MAST4: variants seen among roughly 807,000 people sequenced by gnomAD.
MAST4 encodes the protein microtubule associated serine/threonine kinase family member 4, also known as microtubule-associated serine/threonine-protein kinase 4.
A neutral mutation model predicts 162.7 loss-of-function variants in MAST4; 89 were observed. The observed-to-expected ratio is 0.55, with a 90% confidence interval of 0.46 to 0.65. The LOEUF is 0.65. MAST4 is among the 30% of genes least tolerant of loss of function. MAST4 has a pLI of 0.00. For synonymous variants in MAST4, 1,479 were observed against 1,361.1 expected, an observed-to-expected ratio of 1.09 and a Z score of -1.91; for missense variants, 3,153 against 3,374.0, an observed-to-expected ratio of 0.93 and a Z score of 1.62.
At chr5:67,161,452 G>T (rs921224150) in intron 27 of MAST4, among the ~76,000 whole-genome samples, 14 of 151,702 alleles carry the variant, frequency 9.2e-5, no homozygotes, top group African/African-American at 3.4e-4. Flanking sequence ...TCGCTATATT[G>T]GGAAGAATAG....
intron 23 of MAST4, among the ~76,000 whole-genome samples, chr5:67,146,417 ATTC>A (rs1322987539): frequency 6.6e-6 from 1 of 152,276 alleles, no homozygotes; most frequent in African/African-American, 2.4e-5. Context: ...TGCACAGCAT[ATTC>A]TTCTATAGAG....
chr5:66,821,014 G>A (rs187027580), intron 3 of MAST4, among the ~76,000 whole-genome samples: 1 of 152,356 alleles, frequency 6.6e-6, no homozygotes, highest in Non-Finnish European at 1.5e-5. Flanking sequence ...AGGATTGCAA[G>A]TGGGAAGGAA....
At chr5:67,158,999 A>G (rs1384724281) in intron 26 of MAST4, among the ~76,000 whole-genome samples, 1 of 152,234 alleles carries the variant, frequency 6.6e-6, no homozygotes, top group Non-Finnish European at 1.5e-5. Context: ...GTGCCATTGC[A>G]CTCCAGCCTG....
chr5:66,597,299 T>G (rs1742253324), intron 1 of MAST4, among the ~76,000 whole-genome samples: 1 of 152,212 alleles, frequency 6.6e-6, no homozygotes, highest in Non-Finnish European at 1.5e-5. Context: ...TGTATCTGAC[T>G]TGGTTGATCT....
chr5:66,631,466 C>T (rs1380777779), intron 1 of MAST4, among the ~76,000 whole-genome samples: 1 of 152,058 alleles, frequency 6.6e-6, no homozygotes, highest in Non-Finnish European at 1.5e-5. Context: ...GGAGGTAAGA[C>T]ACATATACAC....
intron 4 of MAST4, among the ~76,000 whole-genome samples, chr5:66,940,695 A>G (rs115898084): frequency 2.6e-5 from 4 of 152,046 alleles, no homozygotes; most frequent in Non-Finnish European, 5.9e-5. Context: ...AAACCCTCCC[A>G]GTCATCTGTG....
chr5:67,157,023 TTTG>T (rs1211902070), intron 26 of MAST4, among the ~76,000 whole-genome samples: 1 of 152,220 alleles, frequency 6.6e-6, no homozygotes, highest in East Asian at 1.9e-4. Context: ...CAGCTGCATT[TTTG>T]TTATTTTTTT....
intron 4 of MAST4, among the ~76,000 whole-genome samples, chr5:66,918,347 C>T (rs1196647505): frequency 6.6e-6 from 1 of 152,064 alleles, no homozygotes; most frequent in Admixed American, 6.5e-5. Flanking sequence ...CACAATACAC[C>T]ATGTACTTTG....
At chr5:66,643,292 G>A (rs969165277) in intron 1 of MAST4, among the ~76,000 whole-genome samples, 1 of 152,092 alleles carries the variant, frequency 6.6e-6, no homozygotes, top group Non-Finnish European at 1.5e-5. Flanking sequence ...AAATCTGTGC[G>A]GAGCTTCCCT....
chr5:66,626,340 G>T (rs992486883), intron 1 of MAST4, among the ~76,000 whole-genome samples: 1 of 152,098 alleles, frequency 6.6e-6, no homozygotes, highest in Non-Finnish European at 1.5e-5. Flanking sequence ...GCATCAAGTT[G>T]TACCCCTTAA....
intron 26 of MAST4, among the ~76,000 whole-genome samples, chr5:67,156,061 G>GAAA (rs535974856): frequency 6.0e-5 from 5 of 83,686 alleles, no homozygotes; most frequent in Non-Finnish European, 1.1e-4. Context: ...TCCGTCTCAA[G>GAAA]AAAAAAAAAA....
chr5:66,612,963 A>G (rs796523926), intron 1 of MAST4, among the ~76,000 whole-genome samples: 1 of 152,226 alleles, frequency 6.6e-6, no homozygotes, highest in African/African-American at 2.4e-5. Flanking sequence ...ACAACATACT[A>G]TGAAGATTAC....
At chr5:67,053,241 T>A (rs1394269403) in intron 4 of MAST4, among the ~76,000 whole-genome samples, 1 of 152,212 alleles carries the variant, frequency 6.6e-6, no homozygotes, top group Non-Finnish European at 1.5e-5. Flanking sequence ...TAAGAGAAGA[T>A]AACTCCCAAG....
chr5:66,981,852 G>A (rs1748886022), intron 4 of MAST4, among the ~76,000 whole-genome samples: 2 of 152,156 alleles, frequency 1.3e-5, no homozygotes, highest in Admixed American at 1.3e-4. Flanking sequence ...AGTTGGCTCA[G>A]TAATTGTTAA....
chr5:66,980,788 C>T lies in MAST4; in HGVS notation c.675-73616C>T, dbSNP rs189477534. Among the ~76,000 whole-genome samples, 310 of 152,276 alleles carry T rather than the reference C, an allele frequency of 2.0e-3. 1 individual carries two copies. The highest frequency in any genetic ancestry group is 3.5e-3 in the Non-Finnish European group (241 of 68,016). ...GTTATCACTCTTCTCCACCTAATTT[C>T]GATCATTTCCAAGGAATCTTCAGTT... On this transcript the variant is annotated intron_variant, in intron 4 of 28. Coordinates refer to ENST00000403625, the MANE Select transcript of MAST4 (RefSeq NM_001164664.2).
chr5:66,744,149 T>C (rs1262333910), intron 1 of MAST4, among the ~76,000 whole-genome samples: 1 of 152,188 alleles, frequency 6.6e-6, no homozygotes, highest in East Asian at 1.9e-4. Flanking sequence ...AATGGCCCAG[T>C]GCCCCTCCAT....
chr5:67,044,695 A>G (rs1757160284), intron 4 of MAST4, among the ~76,000 whole-genome samples: 1 of 152,102 alleles, frequency 6.6e-6, no homozygotes, highest in South Asian at 2.1e-4. Flanking sequence ...AAAATATTTT[A>G]TAGAGTGGGG....
chr5:66,643,481 T>C (rs560603433), intron 1 of MAST4, among the ~76,000 whole-genome samples: 7 of 152,268 alleles, frequency 4.6e-5, no homozygotes, highest in African/African-American at 1.4e-4. Flanking sequence ...AGTTTAAAAC[T>C]GAAAGTAAAC....
chr5:67,004,169 G>A (rs1245738420), intron 4 of MAST4, among the ~76,000 whole-genome samples: 1 of 152,122 alleles, frequency 6.6e-6, no homozygotes, highest in Non-Finnish European at 1.5e-5. Context: ...GGCGGCCCAG[G>A]CTGCGGGGCT....
Sources: allele counts gnomAD v4.1 joint callset (sites outside exome capture counted in the v4.1 genomes callset), GRCh38; gene constraint gnomAD v4.1.1; transcripts MANE v1.5; gene names NCBI Gene and HGNC (gene_info 2026-07-23, HGNC 2026-07-21).